ST3GAL1: variants seen among roughly 807,000 people sequenced by gnomAD.
The protein encoded by ST3GAL1 is CMP-N-acetylneuraminate-beta-galactosamide-alpha-2,3-sialyltransferase 1.
In ST3GAL1, 16 loss-of-function variants were observed where a neutral mutation model predicts 34.1. The ratio of observed to expected loss-of-function variants is 0.47; its 90% CI spans 0.32 to 0.71. ST3GAL1 has a LOEUF of 0.71. Among genes scored for constraint, ST3GAL1 ranks in the 30% least tolerant of loss-of-function variants. The pLI is 0.04. For synonymous variants in ST3GAL1, 191 were observed against 184.7 expected (o/e 1.03, Z -0.28); for missense variants, 353 against 447.4 (o/e 0.79, Z 1.90).
chr8:133,543,011 A>T (rs1249317620), intron 2 of ST3GAL1, among the ~76,000 whole-genome samples: 1 of 152,220 alleles, frequency 6.6e-6, no homozygotes, highest in Non-Finnish European at 1.5e-5. Flanking sequence ...TCCCCATGAG[A>T]TGCTTATTAA....
chr8:133,493,933 C>T (rs1002754351), intron 3 of ST3GAL1, among the ~76,000 whole-genome samples: 5 of 151,952 alleles, frequency 3.3e-5, no homozygotes, highest in African/African-American at 7.3e-5. Context: ...ACCTTCTTCT[C>T]TCTCCTTCTC....
chr8:133,524,926 G>T (rs549890754), intron 2 of ST3GAL1, among the ~76,000 whole-genome samples: 1 of 152,374 alleles, frequency 6.6e-6, no homozygotes, highest in African/African-American at 2.4e-5. Context: ...CCTGGCTTGG[G>T]GAGCCCCTAG....
At chr8:133,546,093 G>A (rs553465387) in intron 1 of ST3GAL1, among the ~76,000 whole-genome samples, 167 bp from the exon 2 acceptor site, 6 of 152,240 alleles carry the variant, frequency 3.9e-5, no homozygotes, top group South Asian at 2.1e-4. Context: ...TTCTGTTCCC[G>A]GCACAGAGCC....
At chr8:133,520,601 C>T (rs1474291696) in intron 2 of ST3GAL1, among the ~76,000 whole-genome samples, 10 of 152,252 alleles carry the variant, frequency 6.6e-5, no homozygotes. Flanking sequence ...CAGCCCACCC[C>T]ACCATAGCCT....
chr8:133,523,697 A>G (rs954608759), intron 2 of ST3GAL1, among the ~76,000 whole-genome samples: 5 of 152,212 alleles, frequency 3.3e-5, no homozygotes, highest in Admixed American at 2.0e-4. Context: ...TTTATGACCA[A>G]TTGACAAATG....
chr8:133,521,572 C>T (rs1213823619), intron 2 of ST3GAL1, among the ~76,000 whole-genome samples: 1 of 152,222 alleles, frequency 6.6e-6, no homozygotes, highest in Non-Finnish European at 1.5e-5. Context: ...GCTGGAATTA[C>T]AGGCGTGAAA....
At chr8:133,505,060 C>T (rs1817292868) in intron 2 of ST3GAL1, among the ~76,000 whole-genome samples, 1 of 152,164 alleles carries the variant, frequency 6.6e-6, no homozygotes, top group Non-Finnish European at 1.5e-5. Context: ...ACATGTGAAA[C>T]ATCCCAGAAC....
chr8:133,544,906 C>T (rs1818635198), intron 2 of ST3GAL1, among the ~76,000 whole-genome samples: 1 of 94,338 alleles, frequency 1.1e-5, no homozygotes, highest in African/African-American at 3.7e-5. Flanking sequence ...ATCAGCCTTC[C>T]TTCTTCTTCT....
At chr8:133,538,898 C>G (rs1818384348) in intron 2 of ST3GAL1, among the ~76,000 whole-genome samples, 1 of 147,948 alleles carries the variant, frequency 6.8e-6, no homozygotes, top group East Asian at 2.1e-4. Context: ...GCGCAGCCCC[C>G]CAACTTATTA....
At chr8:133,520,118 CGTTT>C (rs1439861763) in intron 2 of ST3GAL1, among the ~76,000 whole-genome samples, 1 of 152,144 alleles carries the variant, frequency 6.6e-6, no homozygotes, top group Non-Finnish European at 1.5e-5. Flanking sequence ...GGCCAGGTAA[CGTTT>C]GTGGGGGCTA....
chr8:133,560,316 A>T (rs1819180934), intron 1 of ST3GAL1, among the ~76,000 whole-genome samples: 1 of 152,226 alleles, frequency 6.6e-6, no homozygotes, highest in South Asian at 2.1e-4. Flanking sequence ...AACTTATAAC[A>T]GAAAAAGTAT....
At chr8:133,559,372 C>G (rs899221108) in intron 1 of ST3GAL1, among the ~76,000 whole-genome samples, 1 of 152,174 alleles carries the variant, frequency 6.6e-6, no homozygotes, top group Non-Finnish European at 1.5e-5. Flanking sequence ...AGGTTGGAAC[C>G]AGTTCTTCAA....
intron 2 of ST3GAL1, among the ~76,000 whole-genome samples, chr8:133,541,054 G>T (rs1586654696): frequency 1.2e-5 from 1 of 85,096 alleles, no homozygotes; most frequent in East Asian, 4.5e-4. Flanking sequence ...CATATATATA[G>T]ACATATATAT....
At chr8:133,482,199 G>C (rs185326279) in intron 3 of ST3GAL1, among the ~76,000 whole-genome samples, 2 of 152,190 alleles carry the variant, frequency 1.3e-5, no homozygotes, top group East Asian at 3.9e-4. Flanking sequence ...GGCTGCTTTA[G>C]TTGTTCTCTA....
intron 5 of ST3GAL1, among the ~76,000 whole-genome samples, chr8:133,474,957 A>G (rs938289885): frequency 1.3e-5 from 2 of 152,146 alleles, no homozygotes; most frequent in African/African-American, 4.8e-5. Flanking sequence ...TTGCATTTCA[A>G]TAGCTGTAGT....
rs368794586 is a variant in ST3GAL1 at position 133,464,793 on chromosome 8, G to T, written c.668C>A (p.Thr223Lys). ...DLEWVVSAIT[T>K]GTISHTYIPV... ...AGGGACTCACTGGGAAATGGTGCCC[G>T]TGGTGATGGCGCTCACCACCCACTC... Residue 223 changes from threonine to lysine, a missense_variant, in exon 7 of 10, where the codon ACG (threonine) becomes AAG (lysine). Transcript: ENST00000522652. 2 of 1,613,094 alleles carry T rather than the reference G, an allele frequency of 1.2e-6. No individual in the cohort carries two copies. Among genetic ancestry groups the T allele is most frequent in the South Asian group, 1.1e-5 (1 of 90,998 alleles).
intron 2 of ST3GAL1, among the ~76,000 whole-genome samples, chr8:133,516,435 C>T (rs1448898969): frequency 6.6e-6 from 1 of 152,154 alleles, no homozygotes. Flanking sequence ...CATTCCTTTA[C>T]AGCAATGCAG....
chr8:133,460,538 A>G (rs1815459403), intron 9 of ST3GAL1, among the ~76,000 whole-genome samples: 1 of 152,324 alleles, frequency 6.6e-6, no homozygotes, highest in South Asian at 2.1e-4. Context: ...CACATACATG[A>G]CAAACCCTGT....
chr8:133,489,337 C>A (rs1374016614), intron 3 of ST3GAL1, among the ~76,000 whole-genome samples: 2 of 152,150 alleles, frequency 1.3e-5, no homozygotes, highest in East Asian at 3.9e-4. Context: ...GCAATGAGTG[C>A]CCCAGGAGCT....
Sources: allele counts gnomAD v4.1 joint callset (sites outside exome capture counted in the v4.1 genomes callset), GRCh38; gene constraint gnomAD v4.1.1; transcripts MANE v1.5; gene names NCBI Gene and HGNC (gene_info 2026-07-23, HGNC 2026-07-21).